RNASEH2B: variants seen among roughly 807,000 people sequenced by gnomAD.
RNASEH2B encodes the protein ribonuclease H2 subunit B, also known as Aicardi-Goutieres syndrome 2 protein.
In RNASEH2B, 36 loss-of-function variants were observed where a neutral mutation model predicts 45.0. The ratio of observed to expected loss-of-function variants is 0.80; its 90% confidence interval spans 0.61 to 1.06. The LOEUF (loss-of-function observed/expected upper bound fraction) is 1.06. RNASEH2B is among the 50% of genes least tolerant of loss of function. The probability of loss-of-function intolerance (pLI) is 0.00; values close to 1 mark genes in which losing one functional copy is unlikely to be tolerated. For missense variants in RNASEH2B, 361 were observed against 360.3 expected (o/e 1.00, Z -0.02); for synonymous variants, 119 against 125.7 (o/e 0.95, Z 0.35).
chr13:50,916,213 AT>A lies in RNASEH2B; in HGVS notation c.64+6082del, dbSNP rs369357025. ...ACAAAATGAATTCCAATCTTCTTAA[AT>A]TTTTTTTTCTTATTTTTCTATTTTT... On this transcript the variant is annotated intron_variant, in intron 1 of 10. Coordinates refer to ENST00000336617, the MANE Select transcript of RNASEH2B (RefSeq NM_024570.4). Among the ~76,000 whole-genome samples, 1,019 of 150,952 alleles carry A rather than the reference AT, an allele frequency of 6.8e-3. 15 individuals carry two copies. Among genetic ancestry groups the A allele is most frequent in the African/African-American group, 0.023 (953 of 41,086 alleles).
intron 10 of RNASEH2B, chr13:50,955,411 G>C (rs764769858): frequency 6.6e-6 from 1 of 152,116 alleles, no homozygotes; most frequent in African/African-American, 2.4e-5. Flanking sequence ...TTTGTGCCCC[G>C]CCCTTCTGTG....
chr13:50,926,424 A>G (rs1951597228), intron 1 of RNASEH2B, among the ~76,000 whole-genome samples: 1 of 152,270 alleles, frequency 6.6e-6, no homozygotes, highest in South Asian at 2.1e-4. Flanking sequence ...GGTAATAGGA[A>G]CATTTTAAGA....
downstream of RNASEH2B, among the ~76,000 whole-genome samples, chr13:50,957,639 T>G (rs557839710): frequency 6.6e-6 from 1 of 152,336 alleles, no homozygotes; most frequent in East Asian, 1.9e-4. Context: ...TAGTGGGATT[T>G]CTGGATCGAA....
intron 10 of RNASEH2B, chr13:50,956,142 C>T (rs919574400): frequency 1.0e-5 from 5 of 488,668 alleles, no homozygotes; most frequent in African/African-American, 5.9e-5. Context: ...TCTTAGAAGG[C>T]AGCAGTTTTG....
rs530824994 is a variant in RNASEH2B at position 50,970,115 on chromosome 13, T to G, written c.*151T>G. ...GCTGACTGTAAATGCTTTATTTCTTTGATTAGTACCACTAGTCTATGTGGG... is the reference window on the plus strand; with the variant it reads ...GCTGACTGTAAATGCTTTATTTCTTGGATTAGTACCACTAGTCTATGTGGG... On this transcript the variant is annotated 3_prime_UTR_variant, in exon 10 of 10. Transcript: ENST00000422660. 5 of 751,998 alleles carry G rather than the reference T, an allele frequency of 6.6e-6. No individual in the cohort carries two copies. The South Asian group carries it at 7.6e-5, about 11-fold the overall frequency. The allele number at this position is 751,998 out of a possible 1,614,324, so 46.6% of individuals were successfully genotyped here.
intron 9 of RNASEH2B, among the ~76,000 whole-genome samples, chr13:50,969,522 CAAAAAA>C (rs3042194): frequency 6.0e-5 from 6 of 100,562 alleles, no homozygotes; most frequent in East Asian, 5.3e-4. Flanking sequence ...ACTGCCTCTA[CAAAAAA>C]AAAAAAAAAA....
Position 50,920,736 on chromosome 13 carries a change from C to T in RNASEH2B, c.65-6671C>T, listed in dbSNP as rs189571234. Among the ~76,000 whole-genome samples, 229 of 152,298 alleles carry T rather than the reference C, an allele frequency of 1.5e-3. 1 individual carries two copies. Among genetic ancestry groups the T allele is most frequent in the Middle Eastern group, 6.8e-3 (2 of 294 alleles). On this transcript the variant is annotated intron_variant, in intron 1 of 10. Transcript: ENST00000336617. The stretch of plus-strand genomic sequence containing the variant: ...GTCTCACATGAGTCAATTTTCTAGA[C>T]AAGTGAAATTTGGCTCTTTTAGTAT...
intron 5 of RNASEH2B, chr13:50,942,483 G>A (rs1566085881): frequency 6.6e-6 from 1 of 152,024 alleles, no homozygotes; most frequent in Non-Finnish European, 1.5e-5. Context: ...TTTCCTGAAT[G>A]TATGTAGTGA....
intron 9 of RNASEH2B, among the ~76,000 whole-genome samples, chr13:50,966,036 C>T (rs1206213938): frequency 6.6e-6 from 1 of 152,108 alleles, no homozygotes; most frequent in Non-Finnish European, 1.5e-5. Context: ...TTGAAGATCT[C>T]ACTGGCAATG....
At position 50,929,640 on chromosome 13, in the gene RNASEH2B, C is replaced by T. The variant is rs562164040; in HGVS notation, c.244+58C>T. Reference sequence around the variant, plus strand: ...AAACACATACTCCAGCTTTTCCATTCTTCACACGTGGGGTTGTGGGTCTGT... The same window carrying T: ...AAACACATACTCCAGCTTTTCCATTTTTCACACGTGGGGTTGTGGGTCTGT... On this transcript the variant is annotated intron_variant, in intron 3 of 10. Coordinates refer to ENST00000336617, the MANE Select transcript of RNASEH2B (RefSeq NM_024570.4). The T allele has an allele frequency of 9.9e-5, 110 of 1,105,704 alleles. No homozygotes were observed. In the South Asian group the frequency reaches 1.4e-3, roughly 14 times the overall value. The allele number at this position is 1,105,704 out of a possible 1,614,324, so 68.5% of individuals were successfully genotyped here.
At chr13:50,918,190 T>G (rs962286228) in intron 1 of RNASEH2B, among the ~76,000 whole-genome samples, 1 of 152,098 alleles carries the variant, frequency 6.6e-6, no homozygotes, top group African/African-American at 2.4e-5. Flanking sequence ...CAGGCTGGAG[T>G]GCAGTGGCAC....
intron 1 of RNASEH2B, among the ~76,000 whole-genome samples, chr13:50,922,767 A>G (rs928189003): frequency 2.0e-5 from 3 of 152,206 alleles, no homozygotes; most frequent in Non-Finnish European, 4.4e-5. Context: ...AACAAAAAGC[A>G]TGAGACATAC....
At chr13:50,923,022 A>G (rs567705088) in intron 1 of RNASEH2B, among the ~76,000 whole-genome samples, 124 of 152,378 alleles carry the variant, frequency 8.1e-4, no homozygotes, top group African/African-American at 2.9e-3. Context: ...TTTGAAAAGT[A>G]TAATAACAAA....
At chr13:50,944,421 G>A (rs1951873166) in intron 6 of RNASEH2B, among the ~76,000 whole-genome samples, 1 of 152,026 alleles carries the variant, frequency 6.6e-6, no homozygotes, top group African/African-American at 2.4e-5. Context: ...ATGAACACAG[G>A]GAGGGGAACA....
chr13:50,935,151 C>G, intron 5 of RNASEH2B, 152 bp downstream of exon 5: 2 of 661,214 alleles, frequency 3.0e-6, no homozygotes, highest in Non-Finnish European at 2.8e-6. Context: ...CAGCACTGTT[C>G]CTCTATTGCT....
At chr13:50,925,874 A>T (rs145588438) in intron 1 of RNASEH2B, among the ~76,000 whole-genome samples, 1 of 152,202 alleles carries the variant, frequency 6.6e-6, no homozygotes, top group East Asian at 1.9e-4. Flanking sequence ...TCTTAGCATC[A>T]TCTCTTCAAT....
chr13:50,925,089 A>G (rs944968998), intron 1 of RNASEH2B, among the ~76,000 whole-genome samples: 7 of 149,856 alleles, frequency 4.7e-5, no homozygotes, highest in African/African-American at 1.7e-4. Context: ...TTTTTCTTCA[A>G]TTTTTTTCTC....
rs534222775 is a variant in RNASEH2B, at chr13:50,910,218, C to A, written c.64+78C>A. ...CCGCGACCCCGGGCGCGCCGCCCCC[C>A]ACCCCGGTGGCTCCCACTACCCGGC... On this transcript the variant is annotated intron_variant, in intron 1 of 10. Coordinates refer to ENST00000336617, the MANE Select transcript of RNASEH2B (RefSeq NM_024570.4). 5.9e-4 allele frequency: 642 copies of A among 1,097,354 alleles called. 5 individuals are homozygous for A. The highest frequency in any genetic ancestry group is 3.7e-3 in the South Asian group (169 of 45,994). 68.0% of individuals were successfully genotyped at this position (1,097,354 alleles called of 1,614,324 possible).
chr13:50,914,901 T>A (rs1234823057), intron 1 of RNASEH2B, among the ~76,000 whole-genome samples: 2 of 152,156 alleles, frequency 1.3e-5, no homozygotes, highest in Non-Finnish European at 2.9e-5. Context: ...ACTGTGATTT[T>A]AAAAAACAAA....
Sources: allele counts gnomAD v4.1 joint callset (sites outside exome capture counted in the v4.1 genomes callset), GRCh38; gene constraint gnomAD v4.1.1; transcripts MANE v1.5; gene names NCBI Gene and HGNC (gene_info 2026-07-23, HGNC 2026-07-21).